The following EMCN variants were observed in gnomAD, a reference collection of about 807,000 sequenced individuals.
EMCN encodes MUC-14.
A neutral mutation model predicts 38.4 loss-of-function variants in EMCN; 37 were observed. The ratio of observed to expected loss-of-function variants is 0.96; its 90% CI spans 0.74 to 1.27. The LOEUF (loss-of-function observed/expected upper bound fraction) is 1.27. EMCN is among the 50% of genes most tolerant of loss of function. The probability of loss-of-function intolerance (pLI) is 0.00; values close to 1 mark genes in which losing one functional copy is unlikely to be tolerated. For missense variants in EMCN, 318 were observed against 302.8 expected (o/e 1.05, Z -0.37); for synonymous variants, 95 against 100.8 (o/e 0.94, Z 0.35).
chr4:100,404,415 G>T (rs1726340275), intron 11 of EMCN, among the ~76,000 whole-genome samples: 1 of 151,996 alleles, frequency 6.6e-6, no homozygotes, highest in Non-Finnish European at 1.5e-5. Flanking sequence ...TGATCTATTT[G>T]TCTGTTTTTG....
intron 4 of EMCN, among the ~76,000 whole-genome samples, chr4:100,463,275 C>T (rs1728230636): frequency 6.6e-6 from 1 of 152,078 alleles, no homozygotes; most frequent in Admixed American, 6.6e-5. Context: ...TCTTTTCTGT[C>T]AATTTGTTTA....
chr4:100,426,322 C>T (rs2110222623), intron 5 of EMCN, among the ~76,000 whole-genome samples: 1 of 152,204 alleles, frequency 6.6e-6, no homozygotes, highest in African/African-American at 2.4e-5. Context: ...GTGGACCTGC[C>T]AGGAATATTA....
At chr4:100,470,681 C>T (rs1298015515) in intron 3 of EMCN, among the ~76,000 whole-genome samples, 1 of 151,968 alleles carries the variant, frequency 6.6e-6, no homozygotes, top group Non-Finnish European at 1.5e-5. Flanking sequence ...GGTACATATA[C>T]ACCATGAAAT....
At chr4:100,414,536 A>G (rs970852687) in intron 10 of EMCN, among the ~76,000 whole-genome samples, 1 of 151,982 alleles carries the variant, frequency 6.6e-6, no homozygotes, top group African/African-American at 2.4e-5. Flanking sequence ...TAGTATGGGA[A>G]TAAAGGAAAT....
At chr4:100,455,899 A>G (rs1413582683) in intron 4 of EMCN, among the ~76,000 whole-genome samples, 1 of 151,924 alleles carries the variant, frequency 6.6e-6, no homozygotes, top group Non-Finnish European at 1.5e-5. Context: ...GGCTCAATCA[A>G]TCCTCCTGCC....
intron 10 of EMCN, 93 bp from the exon 11 acceptor site, chr4:100,410,448 A>T (rs1295673501): frequency 7.8e-7 from 1 of 1,282,072 alleles, no homozygotes; most frequent in African/African-American, 1.5e-5. Context: ...TTTCAAGGAA[A>T]GTTCAACTTT....
At chr4:100,453,484 A>G (rs2110249558) in intron 4 of EMCN, among the ~76,000 whole-genome samples, 1 of 152,344 alleles carries the variant, frequency 6.6e-6, no homozygotes, top group Admixed American at 6.5e-5. Context: ...ACCATCTCAC[A>G]CCTGTTAGAA....
At chr4:100,500,974 G>T (rs1484375638) in intron 1 of EMCN, among the ~76,000 whole-genome samples, 1 of 151,616 alleles carries the variant, frequency 6.6e-6, no homozygotes, top group Non-Finnish European at 1.5e-5. Context: ...TCATTTTTTG[G>T]TCAGTTATAT....
intron 8 of EMCN, among the ~76,000 whole-genome samples, chr4:100,417,626 A>T (rs1726772190): frequency 1.3e-5 from 2 of 152,158 alleles, no homozygotes; most frequent in South Asian, 4.1e-4. Flanking sequence ...TGTATCTTAA[A>T]CCCACTGATT....
At chr4:100,503,072 T>A (rs1318751556) in intron 1 of EMCN, among the ~76,000 whole-genome samples, 1 of 152,100 alleles carries the variant, frequency 6.6e-6, no homozygotes, top group African/African-American at 2.4e-5. Context: ...GTAACATAAG[T>A]TGGAAAATAA....
intron 4 of EMCN, among the ~76,000 whole-genome samples, chr4:100,462,550 G>A (rs1728209089): frequency 6.6e-6 from 1 of 152,098 alleles, no homozygotes; most frequent in African/African-American, 2.4e-5. Context: ...TTTTCCAGAA[G>A]CTGCTATACA....
chr4:100,434,731 C>G (rs1727300713), intron 5 of EMCN, among the ~76,000 whole-genome samples: 1 of 152,180 alleles, frequency 6.6e-6, no homozygotes, highest in Admixed American at 6.5e-5. Context: ...ATAAGCAAAT[C>G]AATAAATGTA....
chr4:100,466,503 G>A (rs938892627), intron 3 of EMCN, among the ~76,000 whole-genome samples: 1 of 152,234 alleles, frequency 6.6e-6, no homozygotes, highest in Non-Finnish European at 1.5e-5. Context: ...TTCATAGACA[G>A]TAGATAAATA....
At chr4:100,427,123 CT>C (rs993243372) in intron 5 of EMCN, among the ~76,000 whole-genome samples, 2 of 152,090 alleles carry the variant, frequency 1.3e-5, no homozygotes, top group African/African-American at 4.8e-5. Flanking sequence ...AAAAAAATAA[CT>C]TTTCAGCCTT....
intron 1 of EMCN, among the ~76,000 whole-genome samples, chr4:100,514,215 C>G (rs564653658): frequency 3.9e-4 from 59 of 152,110 alleles, no homozygotes; most frequent in African/African-American, 1.4e-3. Flanking sequence ...ATGTCCAAAA[C>G]CAAATACCAT....
At chr4:100,476,511 G>T (rs979515877) in intron 2 of EMCN, among the ~76,000 whole-genome samples, 1 of 152,072 alleles carries the variant, frequency 6.6e-6, no homozygotes, top group African/African-American at 2.4e-5. Context: ...TGGGCATATT[G>T]TGTGATTAGG....
At chr4:100,426,487 T>G (rs1391966013) in intron 5 of EMCN, among the ~76,000 whole-genome samples, 1 of 152,150 alleles carries the variant, frequency 6.6e-6, no homozygotes, top group African/African-American at 2.4e-5. Flanking sequence ...GTCTGGTGGC[T>G]CTTCTAGACT....
At chr4:100,473,327 A>G (rs1210261980) in intron 3 of EMCN, among the ~76,000 whole-genome samples, 2 of 127,802 alleles carry the variant, frequency 1.6e-5, no homozygotes, top group East Asian at 2.5e-4. Flanking sequence ...GCACCCGTCC[A>G]TGTTATATAT....
intron 10 of EMCN, among the ~76,000 whole-genome samples, chr4:100,414,966 C>A (rs1224300611): frequency 6.6e-6 from 1 of 152,082 alleles, no homozygotes. Context: ...TGCCGTGGCA[C>A]GATCTTGCAG....
Sources: gnomAD v4.1 joint callset for allele counts (sites outside exome capture counted in the v4.1 genomes callset) on GRCh38, gnomAD v4.1.1 for gene constraint, MANE v1.5 for transcripts, NCBI Gene and HGNC (gene_info 2026-07-23, HGNC 2026-07-21) for gene names.